The following EYA1 variants were observed in gnomAD, a reference collection of about 807,000 sequenced individuals.
The protein encoded by EYA1 is protein phosphatase EYA1.
Under a neutral mutation model 82.0 loss-of-function variants are expected in EYA1, and 16 were observed. The observed-to-expected ratio is 0.20, with a 90% CI of 0.13 to 0.30. The LOEUF (loss-of-function observed/expected upper bound fraction) is 0.30. Ranked by LOEUF, EYA1 falls within the 10% of genes least tolerant of loss-of-function variation. EYA1 has a pLI of 1.00. For synonymous variants in EYA1, 261 were observed against 264.4 expected (o/e 0.99, Z 0.12); for missense variants, 633 against 730.7 (o/e 0.87, Z 1.54).
intron 2 of EYA1, among the ~76,000 whole-genome samples, chr8:71,524,180 T>C (rs1288668110): frequency 6.6e-6 from 1 of 152,228 alleles, no homozygotes; most frequent in Non-Finnish European, 1.5e-5. Context: ...TTCAGATACA[T>C]AATTTCACAC....
intron 11 of EYA1, among the ~76,000 whole-genome samples, chr8:71,256,942 T>C (rs1180823804): frequency 6.6e-6 from 1 of 151,902 alleles, no homozygotes; most frequent in African/African-American, 2.4e-5. Context: ...GAGGTTGCAG[T>C]GAGCTGAGAT....
intron 6 of EYA1, among the ~76,000 whole-genome samples, chr8:71,320,244 A>C (rs931962945): frequency 3.3e-5 from 5 of 152,188 alleles, no homozygotes; most frequent in Non-Finnish European, 1.5e-5. Flanking sequence ...AAGGAAGAAG[A>C]AAGATGTGTG....
intron 12 of EYA1, among the ~76,000 whole-genome samples, chr8:71,238,535 A>G (rs536009281): frequency 1.3e-5 from 2 of 152,172 alleles, no homozygotes; most frequent in African/African-American, 4.8e-5. Flanking sequence ...TATTCTTCAC[A>G]AATACTTCTT....
chr8:71,422,154 GA>G (rs894718264), intron 2 of EYA1, among the ~76,000 whole-genome samples: 1 of 152,032 alleles, frequency 6.6e-6, no homozygotes, highest in African/African-American at 2.4e-5. Context: ...TGATACCTCT[GA>G]AAAAAATGAT....
At chr8:71,401,618 T>C (rs60177768) in intron 2 of EYA1, among the ~76,000 whole-genome samples, 23,806 of 152,230 alleles carry the variant, frequency 0.16, 2,061 homozygotes, top group African/African-American at 0.22. Flanking sequence ...AACTATTGTC[T>C]CTTGGACAGT....
chr8:71,264,662 T>C (rs1586073122), intron 11 of EYA1, among the ~76,000 whole-genome samples: 1 of 151,892 alleles, frequency 6.6e-6, no homozygotes, highest in Admixed American at 6.6e-5. Flanking sequence ...ACTGCAGCCT[T>C]GACCTCCCAG....
At chr8:71,219,717 T>C in intron 12 of EYA1, among the ~76,000 whole-genome samples, 1 of 152,220 alleles carries the variant, frequency 6.6e-6, no homozygotes, top group East Asian at 1.9e-4. Flanking sequence ...AATATTAAGA[T>C]ACTGCAATAT....
intron 6 of EYA1, 44 bp downstream of exon 6, chr8:71,321,690 A>T: frequency 6.2e-7 from 1 of 1,608,554 alleles, no homozygotes; most frequent in Admixed American, 1.7e-5. Context: ...TAATACACGC[A>T]TGCCCATGCG....
At chr8:71,233,989 G>A (rs1414798351) in intron 12 of EYA1, among the ~76,000 whole-genome samples, 1 of 152,164 alleles carries the variant, frequency 6.6e-6, no homozygotes, top group Non-Finnish European at 1.5e-5. Context: ...GTAGACCGAG[G>A]TATGCAGAAA....
intron 12 of EYA1, chr8:71,225,191 CA>C (rs1159249048): frequency 4.4e-6 from 2 of 455,916 alleles, no homozygotes; most frequent in East Asian, 1.4e-4. Flanking sequence ...TTTCTAAGGG[CA>C]CGTCCAAGCC....
chr8:71,293,971 A>G (rs551910573), intron 9 of EYA1, among the ~76,000 whole-genome samples: 10 of 151,554 alleles, frequency 6.6e-5, no homozygotes, highest in African/African-American at 2.2e-4. Flanking sequence ...ATTGGGAAGG[A>G]AGAAATATAA....
chr8:71,396,862 T>C (rs1829650899), intron 2 of EYA1, among the ~76,000 whole-genome samples: 1 of 152,240 alleles, frequency 6.6e-6, no homozygotes, highest in Admixed American at 6.5e-5. Context: ...TCTGTGTCGT[T>C]GATCTGTCTA....
intron 2 of EYA1, among the ~76,000 whole-genome samples, chr8:71,522,174 C>G (rs1052894328): frequency 2.0e-5 from 3 of 152,146 alleles, no homozygotes; most frequent in African/African-American, 7.2e-5. Flanking sequence ...CCCAAAGGAA[C>G]AGCCGAGAGC....
At chr8:71,239,955 C>A (rs112816987) in intron 12 of EYA1, among the ~76,000 whole-genome samples, 67 of 152,218 alleles carry the variant, frequency 4.4e-4, no homozygotes, top group African/African-American at 1.6e-3. Flanking sequence ...TACTTGAAAT[C>A]GAAGTTTCTT....
intron 2 of EYA1, among the ~76,000 whole-genome samples, chr8:71,399,940 T>C (rs1444940983): frequency 2.0e-5 from 3 of 152,154 alleles, no homozygotes; most frequent in Admixed American, 6.6e-5. Flanking sequence ...GGCTCTGGTA[T>C]AAAAATCGAC....
At chr8:71,524,018 G>A (rs185066921) in intron 2 of EYA1, among the ~76,000 whole-genome samples, 14 of 152,250 alleles carry the variant, frequency 9.2e-5, no homozygotes, top group African/African-American at 3.4e-4. Flanking sequence ...ATTCTAATGT[G>A]TAATGTAAAC....
At chr8:71,390,528 G>C (rs1013122039) in intron 2 of EYA1, among the ~76,000 whole-genome samples, 5 of 152,078 alleles carry the variant, frequency 3.3e-5, no homozygotes, top group African/African-American at 1.2e-4. Flanking sequence ...CTCCCAAAGA[G>C]GTGAGTCAAC....
intron 2 of EYA1, among the ~76,000 whole-genome samples, chr8:71,521,187 T>C (rs1813371875): frequency 6.6e-6 from 1 of 152,078 alleles, no homozygotes; most frequent in Admixed American, 6.5e-5. Context: ...TAGAAGTAGA[T>C]ACATATAGTA....
intron 2 of EYA1, among the ~76,000 whole-genome samples, chr8:71,466,900 A>G (rs1808810448): frequency 6.6e-6 from 1 of 152,116 alleles, no homozygotes; most frequent in Non-Finnish European, 1.5e-5. Context: ...AGAGTCATCT[A>G]ACATGTAAAT....
Sources: gnomAD v4.1 joint callset for allele counts (sites outside exome capture counted in the v4.1 genomes callset) on GRCh38, gnomAD v4.1.1 for gene constraint, MANE v1.5 for transcripts, NCBI Gene and HGNC (gene_info 2026-07-23, HGNC 2026-07-21) for gene names.